LRP1B: variants seen among roughly 807,000 people sequenced by gnomAD.
LRP1B encodes the protein LDL receptor related protein 1B, also known as low-density lipoprotein receptor-related protein 1B.
In LRP1B, 217 loss-of-function variants were observed where a neutral mutation model predicts 556.6. The observed-to-expected ratio is 0.39, with a 90% CI of 0.35 to 0.44. The LOEUF (loss-of-function observed/expected upper bound fraction) is 0.44. LRP1B is among the 20% of genes least tolerant of loss of function. The pLI, the probability that LRP1B is intolerant of heterozygous loss-of-function variation, is 1.00. For missense variants in LRP1B, 5,053 were observed against 5,620.8 expected, an observed-to-expected ratio of 0.90 and a Z score of 3.23; for synonymous variants, 2,047 against 1,865.8, an observed-to-expected ratio of 1.10 and a Z score of -2.50.
chr2:140,604,851 T>G (rs571083855), intron 41 of LRP1B, among the ~76,000 whole-genome samples: 1 of 151,800 alleles, frequency 6.6e-6, no homozygotes, highest in Non-Finnish European at 1.5e-5. Context: ...TCTCACAAAA[T>G]CTAATGATTT....
At position 140,762,233 on chromosome 2, in the gene LRP1B, T is replaced by C. The variant is rs1688951423; in HGVS notation, c.5758+6980A>G. Among the ~76,000 whole-genome samples, 3 of 152,296 alleles carry C rather than the reference T, an allele frequency of 2.0e-5. No homozygotes were observed. In the South Asian group the frequency reaches 6.2e-4, roughly 32 times the overall value. On this transcript the variant is annotated intron_variant, in intron 35 of 90. Transcript: ENST00000389484. ...GTCACATTGCTTATGCAGTTCATGT[T>C]TGATGTCAATCTCAGGGGCAAAAAC...
At chr2:141,791,685 A>G (rs1455528754) in intron 2 of LRP1B, among the ~76,000 whole-genome samples, 1 of 152,018 alleles carries the variant, frequency 6.6e-6, no homozygotes, top group Admixed American at 6.6e-5. Flanking sequence ...ATTAACAACT[A>G]GTGTGGAATG....
chr2:141,254,853 C>T (rs761015008), intron 3 of LRP1B, among the ~76,000 whole-genome samples: 6 of 151,880 alleles, frequency 4.0e-5, no homozygotes, highest in East Asian at 1.9e-4. Flanking sequence ...TTTGGTCTCC[C>T]GCTTTTTAGC....
chr2:141,450,486 C>G (rs1404849383), intron 3 of LRP1B, among the ~76,000 whole-genome samples: 1 of 151,866 alleles, frequency 6.6e-6, no homozygotes, highest in East Asian at 1.9e-4. Context: ...AGAGTAAACT[C>G]AAGACCATTT....
intron 7 of LRP1B, among the ~76,000 whole-genome samples, chr2:141,142,998 G>T (rs938428105): frequency 1.4e-5 from 2 of 140,652 alleles, no homozygotes; most frequent in Non-Finnish European, 3.0e-5. Flanking sequence ...GCGCGATCTC[G>T]GCTCACTGCA....
intron 41 of LRP1B, among the ~76,000 whole-genome samples, chr2:140,679,955 C>CTTAT (rs964392145): frequency 6.6e-6 from 1 of 151,382 alleles, no homozygotes; most frequent in African/African-American, 2.4e-5. Context: ...ATTTAATTTA[C>CTTAT]TTATTTATTT....
chr2:141,284,467 A>T (rs1685630253), intron 3 of LRP1B, among the ~76,000 whole-genome samples: 1 of 152,210 alleles, frequency 6.6e-6, no homozygotes, highest in African/African-American at 2.4e-5. Flanking sequence ...TATGTGAAAT[A>T]AGAAATTTCT....
intron 2 of LRP1B, among the ~76,000 whole-genome samples, chr2:141,599,895 C>T (rs907187369): frequency 6.6e-6 from 1 of 152,036 alleles, no homozygotes. Context: ...TAAGCTTTTC[C>T]TTTCTCACTT....
chr2:141,751,185 T>C (rs1694098856), intron 2 of LRP1B, among the ~76,000 whole-genome samples: 1 of 152,100 alleles, frequency 6.6e-6, no homozygotes, highest in Non-Finnish European at 1.5e-5. Context: ...AAACTCAATA[T>C]ACTGTCTTTG....
At chr2:140,637,490 G>T (rs1261421634) in intron 41 of LRP1B, among the ~76,000 whole-genome samples, 1 of 152,170 alleles carries the variant, frequency 6.6e-6, no homozygotes, top group African/African-American at 2.4e-5. Flanking sequence ...ACATTAGAAG[G>T]TGACATAAGC....
At chr2:141,321,092 C>G (rs112423496) in intron 3 of LRP1B, among the ~76,000 whole-genome samples, 1 of 151,986 alleles carries the variant, frequency 6.6e-6, no homozygotes, top group Admixed American at 6.6e-5. Flanking sequence ...ATTAAACAGC[C>G]ATGTAACATG....
At chr2:141,244,767 G>C (rs1461611659) in intron 5 of LRP1B, among the ~76,000 whole-genome samples, 1 of 152,050 alleles carries the variant, frequency 6.6e-6, no homozygotes, top group East Asian at 1.9e-4. Context: ...GTGACCTTTA[G>C]AACTTGCCAG....
At chr2:141,093,592 AAC>A (rs999648105) in intron 7 of LRP1B, among the ~76,000 whole-genome samples, 3 of 152,214 alleles carry the variant, frequency 2.0e-5, no homozygotes, top group African/African-American at 7.2e-5. Flanking sequence ...CTGCTGTGCA[AAC>A]ACAGAGCTGT....
At chr2:141,532,392 T>C (rs1022821952) in intron 2 of LRP1B, among the ~76,000 whole-genome samples, 5 of 152,022 alleles carry the variant, frequency 3.3e-5, no homozygotes, top group Non-Finnish European at 5.9e-5. Context: ...AACAAACATG[T>C]CCTCAGTCTA....
At chr2:141,704,559 C>G (rs1220352556) in intron 2 of LRP1B, among the ~76,000 whole-genome samples, 1 of 151,936 alleles carries the variant, frequency 6.6e-6, no homozygotes, top group Non-Finnish European at 1.5e-5. Flanking sequence ...ACTGCTCCCC[C>G]AGTGCAGCCC....
At chr2:140,242,727 A>C (rs1262047668) in intron 87 of LRP1B, among the ~76,000 whole-genome samples, 2 of 151,072 alleles carry the variant, frequency 1.3e-5, no homozygotes, top group African/African-American at 4.8e-5. Flanking sequence ...GTTGTCAGTG[A>C]AGAGACTTTA....
intron 6 of LRP1B, among the ~76,000 whole-genome samples, chr2:141,198,534 C>T (rs1681848136): frequency 6.6e-6 from 1 of 152,142 alleles, no homozygotes; most frequent in South Asian, 2.1e-4. Context: ...GGGCTCCTGT[C>T]ATTTGGTGGC....
chr2:140,758,519 C>T (rs1688812817), intron 35 of LRP1B, among the ~76,000 whole-genome samples: 1 of 151,874 alleles, frequency 6.6e-6, no homozygotes, highest in Non-Finnish European at 1.5e-5. Flanking sequence ...GGTTTGCCAT[C>T]AATAAGTGAT....
chr2:141,100,999 G>A (rs1700446670), intron 7 of LRP1B, among the ~76,000 whole-genome samples: 1 of 152,076 alleles, frequency 6.6e-6, no homozygotes, highest in African/African-American at 2.4e-5. Context: ...GGAGGTAAGA[G>A]GGGGTAGACA....
Sources: allele counts gnomAD v4.1 joint callset (sites outside exome capture counted in the v4.1 genomes callset), GRCh38; gene constraint gnomAD v4.1.1; transcripts MANE v1.5; gene names NCBI Gene and HGNC (gene_info 2026-07-23, HGNC 2026-07-21).